The following ERCC6L variants were observed in gnomAD, a reference collection of about 807,000 sequenced individuals.
The protein encoded by ERCC6L is DNA excision repair protein ERCC-6-like.
ERCC6L carries 7 observed loss-of-function variants against 20.1 expected under a neutral mutation model. The observed-to-expected ratio is 0.35, with a 90% CI of 0.20 to 0.65. The LOEUF (loss-of-function observed/expected upper bound fraction) is 0.65. Among genes scored for constraint, ERCC6L ranks in the 30% least tolerant of loss-of-function variants. The probability of loss-of-function intolerance (pLI) is 0.69; values close to 1 mark genes in which losing one functional copy is unlikely to be tolerated. For missense variants in ERCC6L, 592 were observed against 892.4 expected (o/e 0.66, Z 4.29); for synonymous variants, 278 against 331.3 (o/e 0.84, Z 1.75).
intron 1 of ERCC6L, among the ~76,000 whole-genome samples, chrX:72,235,389 CTT>C (rs144267277): frequency 1.5e-5 from 1 of 68,570 alleles, no homozygotes. Flanking sequence ...CCCTCTTCCA[CTT>C]TTTTTTTTTT....
intron 1 of ERCC6L, among the ~76,000 whole-genome samples, chrX:72,232,797 C>T (rs757722768): frequency 1.9e-4 from 21 of 111,105 alleles, no homozygotes; most frequent in African/African-American, 5.6e-4. Flanking sequence ...GCAACAAGAG[C>T]GAAACTCCGT....
chrX:72,214,834 A>G (rs1461601037), intron 1 of ERCC6L, among the ~76,000 whole-genome samples: 1 of 111,114 alleles, frequency 9.0e-6, no homozygotes, highest in Non-Finnish European at 1.9e-5. Flanking sequence ...TAAAAATACA[A>G]AAATTAGCCA....
intron 1 of ERCC6L, among the ~76,000 whole-genome samples, chrX:72,216,067 T>C (rs1405582906): frequency 1.8e-5 from 2 of 110,416 alleles, no homozygotes; most frequent in African/African-American, 6.6e-5. Flanking sequence ...CCTCCAAAAT[T>C]TCATGTCAAC....
intron 1 of ERCC6L, among the ~76,000 whole-genome samples, chrX:72,230,183 T>TAA (rs563210083): frequency 2.0e-5 from 2 of 101,699 alleles, no homozygotes; most frequent in African/African-American, 7.2e-5. Flanking sequence ...TCAAAAAAAA[T>TAA]AAAAAAAAAA....
Position 72,204,964 on chromosome X carries a change from A to T in ERCC6L, c.*50T>A. ...AAAGAATCCAATTATGGGAACAAAA[A>T]TTCCCTCATATTCAGTTTCACTTTA... On this transcript the variant is annotated 3_prime_UTR_variant, in exon 2 of 2. Transcript: ENST00000334463. 4.0e-5 allele frequency: 39 copies of T among 966,326 alleles called. No individual in the cohort carries two copies. Among genetic ancestry groups the T allele is most frequent in the Non-Finnish European group, 5.1e-5 (36 of 709,944 alleles). The allele number at this position is 966,326 out of a possible 1,213,427, so 79.6% of individuals were successfully genotyped here.
intron 1 of ERCC6L, among the ~76,000 whole-genome samples, chrX:72,225,824 T>C (rs1360757250): frequency 9.0e-6 from 1 of 111,239 alleles, no homozygotes; most frequent in Non-Finnish European, 1.9e-5. Context: ...ACAGTTCTCA[T>C]AATCAGGCCC....
Position 72,238,946 on chromosome X carries a change from A to G in ERCC6L, c.-35T>C. ...ATTGGGTTCCAGTTACCCCGGCGGG[A>G]GTTTGGAGCTTGGAGCTTGGAGCTT... On this transcript the variant is annotated 5_prime_UTR_variant, in exon 1 of 2. Coordinates refer to ENST00000334463, the MANE Select transcript of ERCC6L (RefSeq NM_017669.4). 1 of 1,131,727 alleles carries G rather than the reference A, an allele frequency of 8.8e-7. No individual in the cohort carries two copies. The highest frequency in any genetic ancestry group is 1.2e-6 in the Non-Finnish European group (1 of 841,249). 93.3% of individuals were successfully genotyped at this position (1,131,727 alleles called of 1,213,427 possible). A position where few individuals can be genotyped will look rare whatever the true frequency, so the allele number is the denominator to read the frequency against.
chrX:72,238,417 T>C (rs898447130), intron 1 of ERCC6L, among the ~76,000 whole-genome samples: 1 of 111,544 alleles, frequency 9.0e-6, no homozygotes, highest in Non-Finnish European at 1.9e-5. Context: ...TGCACGTACA[T>C]TATACCTCTT....
intron 1 of ERCC6L, among the ~76,000 whole-genome samples, chrX:72,210,924 C>T (rs1315892089): frequency 9.0e-6 from 1 of 111,486 alleles, no homozygotes; most frequent in Non-Finnish European, 1.9e-5. Context: ...CTTCCTTTCC[C>T]CTCAGTCTAT....
In ERCC6L at chrX:72,206,743, T is replaced by C. The variant is rs1569489786; in HGVS notation, c.2024A>G (p.Asp675Gly). 1.7e-6 allele frequency: 2 copies of C among 1,211,083 alleles called. No individual in the cohort carries two copies. Among genetic ancestry groups the C allele is most frequent in the African/African-American group, 3.5e-5 (2 of 57,728 alleles). The stretch of plus-strand genomic sequence containing the variant: ...AGACAGATCACATGTGTACATCAAA[T>C]CATGGTCTGAGATTCCAGCTATCCC... ...SLGIAGISDH[D>G]LMYTCDLSVK... The change falls in exon 2 of 2, where the codon GAT (aspartate) becomes GGT (glycine). Residue 675 changes from aspartate to glycine, a missense_variant. Asp to Gly is a moderately conservative substitution (Grantham distance 94). Around this residue, in one of 3 missense-constraint regions of ERCC6L, gnomAD observed 196 missense variants for 440.1 expected, o/e 0.45. Coordinates refer to ENST00000334463, the MANE Select transcript of ERCC6L (RefSeq NM_017669.4).
At chrX:72,208,844 A>T (rs1012363821) in intron 1 of ERCC6L, 146 bp from the exon 2 acceptor site, 1 of 488,167 alleles carries the variant, frequency 2.0e-6, no homozygotes, top group South Asian at 4.2e-5. Context: ...ACAAGATGCC[A>T]ATGAAAGCTG....
At chrX:72,219,576 G>C (rs1206957846) in intron 1 of ERCC6L, among the ~76,000 whole-genome samples, 1 of 108,673 alleles carries the variant, frequency 9.2e-6, no homozygotes, top group Non-Finnish European at 1.9e-5. Context: ...GACTAGGCGT[G>C]ATAGCTCATG....
chrX:72,216,082 A>G, intron 1 of ERCC6L, among the ~76,000 whole-genome samples: 1 of 110,773 alleles, frequency 9.0e-6, no homozygotes, highest in East Asian at 2.8e-4. Flanking sequence ...GTCAACCTGG[A>G]GCCCGTGAAT....
intron 1 of ERCC6L, among the ~76,000 whole-genome samples, chrX:72,229,412 T>C (rs923934942): frequency 2.7e-5 from 3 of 111,789 alleles, no homozygotes; most frequent in Non-Finnish European, 5.6e-5. Context: ...ATATCAATGG[T>C]GCAACATCCT....
At chrX:72,227,559 C>T (rs943480555) in intron 1 of ERCC6L, among the ~76,000 whole-genome samples, 1 of 111,561 alleles carries the variant, frequency 9.0e-6, no homozygotes, top group Non-Finnish European at 1.9e-5. Flanking sequence ...TCAAACACCA[C>T]CTCTACCAAC....
intron 1 of ERCC6L, among the ~76,000 whole-genome samples, chrX:72,234,508 A>AT (rs1377340220): frequency 9.8e-5 from 11 of 112,202 alleles, no homozygotes; most frequent in Non-Finnish European, 1.7e-4. Flanking sequence ...GTAGACAATG[A>AT]TATGACACCT....
intron 1 of ERCC6L, among the ~76,000 whole-genome samples, chrX:72,221,009 G>A (rs944321182): frequency 5.4e-5 from 6 of 111,512 alleles, no homozygotes; most frequent in South Asian, 3.8e-4. Flanking sequence ...CACCTGCCCC[G>A]TCTTTTCTCT....
chrX:72,224,929 G>A (rs1345786637), intron 1 of ERCC6L, among the ~76,000 whole-genome samples: 1 of 110,876 alleles, frequency 9.0e-6, no homozygotes, highest in African/African-American at 3.3e-5. Flanking sequence ...AGGGACTCAA[G>A]CCCATCATCT....
chrX:72,207,170 G>A lies in ERCC6L; in HGVS notation c.1597C>T (p.Leu533=). ...ACACCACCTACTTGAGTGGTAAGCA[G>A]AAAAACAGAGTAATCTTTATTTTGC... ...FQQNKDYSVF[L]LTTQVGGVGL... Residue 533 remains leucine, a synonymous_variant, in exon 2 of 2, where the codon CTG becomes TTG. Coordinates refer to ENST00000334463, the MANE Select transcript of ERCC6L (RefSeq NM_017669.4). 2.5e-6 allele frequency: 3 copies of A among 1,210,978 alleles called. No homozygotes were observed. Among genetic ancestry groups the A allele is most frequent in the Non-Finnish European group, 2.2e-6 (2 of 895,204 alleles).
Sources: gnomAD v4.1 joint callset for allele counts (sites outside exome capture counted in the v4.1 genomes callset) on GRCh38, gnomAD v4.1.1 for gene constraint, gnomAD v4.1.1 regional missense constraint, MANE v1.5 for transcripts, NCBI Gene and HGNC (gene_info 2026-07-23, HGNC 2026-07-21) for gene names.